Variants in ME1 observed in about 807,000 individuals in gnomAD.
The protein encoded by ME1 is malic enzyme 1.
Under a neutral mutation model 66.4 loss-of-function variants are expected in ME1, and 74 were observed. The observed-to-expected ratio is 1.11, with a 90% confidence interval of 0.92 to 1.35. ME1 has a LOEUF of 1.35. Among genes scored for constraint, ME1 ranks in the 40% most tolerant of loss-of-function variants. The probability of loss-of-function intolerance (pLI) is 0.00; values close to 1 mark genes in which losing one functional copy is unlikely to be tolerated. For missense variants in ME1, 750 were observed against 694.1 expected (o/e 1.08, Z -0.90); for synonymous variants, 251 against 235.6 (o/e 1.07, Z -0.60).
At chr6:83,426,206 C>T (rs1038573371) in intron 1 of ME1, among the ~76,000 whole-genome samples, 4 of 152,188 alleles carry the variant, frequency 2.6e-5, no homozygotes, top group African/African-American at 9.7e-5. Flanking sequence ...ACATCACATT[C>T]TCCCCTACCT....
chr6:83,296,040 C>T (rs773970657), intron 6 of ME1, among the ~76,000 whole-genome samples: 1 of 152,010 alleles, frequency 6.6e-6, no homozygotes, highest in Non-Finnish European at 1.5e-5. Flanking sequence ...CCTATCACCC[C>T]CAAAAAAGCC....
At chr6:83,365,750 A>T (rs987037844) in intron 3 of ME1, among the ~76,000 whole-genome samples, 6 of 152,008 alleles carry the variant, frequency 3.9e-5, no homozygotes, top group African/African-American at 1.5e-4. Flanking sequence ...AGATTAGTAC[A>T]CTTTCATTTG....
intron 6 of ME1, among the ~76,000 whole-genome samples, chr6:83,281,699 G>A (rs965944684): frequency 1.3e-5 from 2 of 150,064 alleles, no homozygotes; most frequent in Non-Finnish European, 1.5e-5. Context: ...CCAGCTACTC[G>A]GGAGGCTGAG....
At chr6:83,235,538 T>C (rs999432991) in intron 9 of ME1, among the ~76,000 whole-genome samples, 5 of 149,642 alleles carry the variant, frequency 3.3e-5, no homozygotes, top group Non-Finnish European at 5.9e-5. Context: ...TGGCGCGATC[T>C]CGGCTCACTG....
At chr6:83,269,135 G>A (rs1767042051) in intron 6 of ME1, among the ~76,000 whole-genome samples, 2 of 152,040 alleles carry the variant, frequency 1.3e-5, no homozygotes, top group Admixed American at 1.3e-4. Context: ...TGTGGGTAAA[G>A]GTAGTATGAT....
chr6:83,333,973 CGAATAGGA>C (rs1020124093), intron 5 of ME1, among the ~76,000 whole-genome samples: 1 of 152,046 alleles, frequency 6.6e-6, no homozygotes, highest in Non-Finnish European at 1.5e-5. Context: ...CCAAGATGGC[CGAATAGGA>C]ACAGCTCTGG....
At chr6:83,259,481 G>A (rs554715149) in intron 6 of ME1, among the ~76,000 whole-genome samples, 2 of 152,290 alleles carry the variant, frequency 1.3e-5, no homozygotes, top group African/African-American at 4.8e-5. Flanking sequence ...GAAAAGAGTG[G>A]AGTAAAGAAC....
chr6:83,328,408 A>G (rs936452628), intron 5 of ME1, among the ~76,000 whole-genome samples: 1 of 152,182 alleles, frequency 6.6e-6, no homozygotes, highest in Non-Finnish European at 1.5e-5. Context: ...GCACATGTAT[A>G]CCTATGTAAC....
At chr6:83,399,828 A>G (rs896978681) in intron 2 of ME1, among the ~76,000 whole-genome samples, 1 of 152,234 alleles carries the variant, frequency 6.6e-6, no homozygotes. Flanking sequence ...AATTCTGAGT[A>G]AGAGATGCAT....
At chr6:83,317,392 T>G (rs573355563) in intron 5 of ME1, among the ~76,000 whole-genome samples, 4 of 151,476 alleles carry the variant, frequency 2.6e-5, no homozygotes, top group African/African-American at 9.7e-5. Context: ...CCCTTGTAAG[T>G]TGGATTCCTA....
intron 3 of ME1, among the ~76,000 whole-genome samples, chr6:83,354,754 T>C (rs1402289681): frequency 1.3e-5 from 2 of 152,216 alleles, no homozygotes; most frequent in Non-Finnish European, 2.9e-5. Context: ...AGCAAGGTGC[T>C]TAAGTACAAA....
At position 83,406,949 on chromosome 6, in the gene ME1, T is replaced by C. The variant is rs146444423; in HGVS notation, c.212+819A>G. Among the ~76,000 whole-genome samples the C allele has an allele frequency of 7.8e-3, 1,147 of 147,406 alleles. 17 individuals carry two copies. Among genetic ancestry groups the C allele is most frequent in the African/African-American group, 0.027 (1,064 of 38,726 alleles). Reference sequence around the variant, plus strand: ...CTCTCCTTCTTTCTCCCTCTATCCATTTATATTTATATTTTCATTCATACA... The same window carrying C: ...CTCTCCTTCTTTCTCCCTCTATCCACTTATATTTATATTTTCATTCATACA... On this transcript the variant is annotated intron_variant, in intron 2 of 13. Transcript: ENST00000369705.
intron 5 of ME1, among the ~76,000 whole-genome samples, chr6:83,342,980 G>A (rs1157565112): frequency 6.6e-6 from 1 of 152,006 alleles, no homozygotes; most frequent in African/African-American, 2.4e-5. Context: ...CACCACCCCC[G>A]GCCACCTTGC....
At chr6:83,429,779 G>A (rs1337598920) in intron 1 of ME1, among the ~76,000 whole-genome samples, 1 of 152,060 alleles carries the variant, frequency 6.6e-6, no homozygotes, top group Non-Finnish European at 1.5e-5. Flanking sequence ...CAAATCATCA[G>A]GAACACGACA....
intron 3 of ME1, chr6:83,393,003 G>A: frequency 1.0e-6 from 1 of 1,002,806 alleles, no homozygotes; most frequent in Non-Finnish European, 1.5e-6. Flanking sequence ...TGACGGCCAT[G>A]GGGCTCTCCA....
At chr6:83,261,345 A>G (rs1215583005) in intron 6 of ME1, among the ~76,000 whole-genome samples, 3 of 149,754 alleles carry the variant, frequency 2.0e-5, no homozygotes, top group Non-Finnish European at 3.0e-5. Context: ...AATTCTGGAT[A>G]CTAGAACTTT....
chr6:83,377,449 A>AAAAACT (rs1769315705), intron 3 of ME1, among the ~76,000 whole-genome samples: 1 of 152,196 alleles, frequency 6.6e-6, no homozygotes, highest in Non-Finnish European at 1.5e-5. Context: ...TCTATCAAAA[A>AAAAACT]TGTCTTTTCA....
At chr6:83,237,064 C>A in intron 9 of ME1, among the ~76,000 whole-genome samples, 1 of 149,786 alleles carries the variant, frequency 6.7e-6, no homozygotes, top group South Asian at 2.1e-4. Context: ...CCGGATATGG[C>A]GGCCTGTGGT....
intron 5 of ME1, among the ~76,000 whole-genome samples, chr6:83,319,306 TAA>T (rs924850590): frequency 2.9e-5 from 4 of 137,330 alleles, no homozygotes; most frequent in Non-Finnish European, 3.2e-5. Context: ...AGTATAATAA[TAA>T]AAAAAATAAA....
Sources: allele counts gnomAD v4.1 joint callset (sites outside exome capture counted in the v4.1 genomes callset), GRCh38; gene constraint gnomAD v4.1.1; transcripts MANE v1.5; gene names NCBI Gene and HGNC (gene_info 2026-07-23, HGNC 2026-07-21).